MEIKIN: variants seen among roughly 807,000 people sequenced by gnomAD.
MEIKIN encodes the protein meiotic kinetochore factor.
intron 8 of MEIKIN, among the ~76,000 whole-genome samples, chr5:131,906,533 A>G (rs1751246053): frequency 6.7e-6 from 1 of 148,714 alleles, no homozygotes; most frequent in Non-Finnish European, 1.5e-5. Context: ...CCTAAGGAAT[A>G]TAACTTATTC....
chr5:131,846,341 T>G (rs1386545681), intron 11 of MEIKIN, among the ~76,000 whole-genome samples: 3 of 152,084 alleles, frequency 2.0e-5, no homozygotes, highest in African/African-American at 7.2e-5. Flanking sequence ...GAAATGAAGA[T>G]CTAAATAAAG....
intron 11 of MEIKIN, among the ~76,000 whole-genome samples, chr5:131,828,891 C>T (rs534282212): frequency 1.3e-5 from 2 of 152,228 alleles, no homozygotes; most frequent in Non-Finnish European, 2.9e-5. Context: ...AGTCATAATG[C>T]AATTTAAAAC....
chr5:131,853,636 T>C (rs777960712), intron 10 of MEIKIN, among the ~76,000 whole-genome samples: 3 of 152,162 alleles, frequency 2.0e-5, no homozygotes, highest in Non-Finnish European at 4.4e-5. Flanking sequence ...ATCTCAGATA[T>C]ATGAAGAACT....
chr5:131,933,824 A>G (rs1227333719), intron 4 of MEIKIN, among the ~76,000 whole-genome samples, 183 bp from the exon 5 acceptor site: 1 of 152,202 alleles, frequency 6.6e-6, no homozygotes, highest in Admixed American at 6.5e-5. Flanking sequence ...ATCTTGGACA[A>G]TCATTCTATT....
chr5:131,809,699 G>A (rs985968694), intron 12 of MEIKIN, among the ~76,000 whole-genome samples: 18 of 151,970 alleles, frequency 1.2e-4, no homozygotes, highest in African/African-American at 3.1e-4. Context: ...CCAGCTACTC[G>A]GGAGGCTGAG....
chr5:131,852,212 G>T (rs1429192916), intron 10 of MEIKIN, among the ~76,000 whole-genome samples: 2 of 152,024 alleles, frequency 1.3e-5, no homozygotes, highest in East Asian at 3.9e-4. Context: ...TTGAATCATG[G>T]GGGTGGTTTT....
intron 12 of MEIKIN, among the ~76,000 whole-genome samples, chr5:131,814,406 T>C (rs557449552): frequency 8.6e-4 from 131 of 151,882 alleles, no homozygotes; most frequent in African/African-American, 3.1e-3. Flanking sequence ...GCCTCCCAAG[T>C]AGCTGGAACT....
At chr5:131,823,240 G>A (rs1164452881) in intron 11 of MEIKIN, among the ~76,000 whole-genome samples, 3 of 151,948 alleles carry the variant, frequency 2.0e-5, no homozygotes, top group African/African-American at 7.2e-5. Flanking sequence ...CTCTATGATT[G>A]GGAAGTTCTC....
chr5:131,835,111 G>A (rs1470227131), intron 11 of MEIKIN, among the ~76,000 whole-genome samples: 3 of 151,684 alleles, frequency 2.0e-5, no homozygotes, highest in African/African-American at 7.3e-5. Flanking sequence ...GGCAATTCAG[G>A]TCCTTTGAGC....
intron 11 of MEIKIN, among the ~76,000 whole-genome samples, chr5:131,850,572 G>A (rs1160419514): frequency 6.6e-6 from 1 of 152,078 alleles, no homozygotes; most frequent in Admixed American, 6.6e-5. Context: ...CATTCAATGG[G>A]GGAAAGGATG....
intron 12 of MEIKIN, among the ~76,000 whole-genome samples, chr5:131,808,134 T>C (rs1772879642): frequency 6.6e-6 from 1 of 152,208 alleles, no homozygotes; most frequent in Non-Finnish European, 1.5e-5. Flanking sequence ...CTCAAGCAAT[T>C]CACAAGTACA....
chr5:131,852,208 C>A (rs1051182852), intron 10 of MEIKIN, among the ~76,000 whole-genome samples: 8 of 152,228 alleles, frequency 5.3e-5, no homozygotes, highest in African/African-American at 1.9e-4. Context: ...GTGATTGAAT[C>A]ATGGGGGTGG....
intron 5 of MEIKIN, among the ~76,000 whole-genome samples, chr5:131,931,480 C>A (rs1192612922): frequency 6.6e-6 from 1 of 152,164 alleles, no homozygotes; most frequent in Non-Finnish European, 1.5e-5. Flanking sequence ...ACAGGCAAGA[C>A]CGAAATCAGT....
chr5:131,832,480 G>A (rs914118777), intron 11 of MEIKIN, among the ~76,000 whole-genome samples: 2 of 152,038 alleles, frequency 1.3e-5, no homozygotes, highest in Admixed American at 1.3e-4. Flanking sequence ...CTAGGTGCAC[G>A]GTGCAAGCTG....
At chr5:131,887,745 A>C (rs911995545) in intron 8 of MEIKIN, among the ~76,000 whole-genome samples, 3 of 151,092 alleles carry the variant, frequency 2.0e-5, no homozygotes, top group African/African-American at 7.3e-5. Context: ...TTTAGGGTAC[A>C]TGTGCACAAC....
intron 7 of MEIKIN, among the ~76,000 whole-genome samples, chr5:131,916,368 C>T (rs1447894465): frequency 6.6e-6 from 1 of 152,200 alleles, no homozygotes; most frequent in Non-Finnish European, 1.5e-5. Flanking sequence ...ACTAACGCTA[C>T]TCTCTTCTCA....
intron 4 of MEIKIN, among the ~76,000 whole-genome samples, chr5:131,939,308 G>A (rs901129105): frequency 6.6e-6 from 1 of 150,964 alleles, no homozygotes; most frequent in African/African-American, 2.4e-5. Flanking sequence ...TCTAATTCCT[G>A]AACCTTTAGC....
At chr5:131,903,442 C>T (rs1751191314) in intron 8 of MEIKIN, among the ~76,000 whole-genome samples, 1 of 152,212 alleles carries the variant, frequency 6.6e-6, no homozygotes, top group South Asian at 2.1e-4. Context: ...ATTAGGCTAA[C>T]AGCAGACCTA....
In MEIKIN at chr5:131,899,878, G is replaced by T. The variant is rs77411225; in HGVS notation, c.703+11937C>A. ...CCTAATACAAAAATTGCTGGAGATT[G>T]CAACACTCCACTTTCAGCACTGGAC... On this transcript the variant is annotated intron_variant, in intron 8 of 12. Coordinates refer to ENST00000442687, the MANE Select transcript of MEIKIN (RefSeq NM_001303622.2). 4.7e-3 allele frequency among the ~76,000 whole-genome samples: 715 copies of T among 152,268 alleles called. 8 individuals carry two copies. Among genetic ancestry groups the T allele is most frequent in the African/African-American group, 0.016 (679 of 41,544 alleles).
Sources: allele counts gnomAD v4.1 joint callset (sites outside exome capture counted in the v4.1 genomes callset), GRCh38; gene constraint gnomAD v4.1.1; transcripts MANE v1.5; gene names NCBI Gene and HGNC (gene_info 2026-07-23, HGNC 2026-07-21).